Variants in MXI1 observed in about 807,000 individuals in gnomAD.
MXI1 encodes the protein MAX interactor 1, dimerization protein.
Under a neutral mutation model 36.9 loss-of-function variants are expected in MXI1, and 18 were observed. That is an observed-to-expected ratio of 0.49 (90% CI 0.34 to 0.72). MXI1 has a LOEUF of 0.72. Ranked by LOEUF, MXI1 falls within the 30% of genes least tolerant of loss-of-function variation. MXI1 has a pLI of 0.01. For missense variants in MXI1, 304 were observed against 379.1 expected, an observed-to-expected ratio of 0.80 and a Z score of 1.64; for synonymous variants, 160 against 146.7, an observed-to-expected ratio of 1.09 and a Z score of -0.65.
chr10:110,230,199 A>G (rs1338522190), intron 2 of MXI1, among the ~76,000 whole-genome samples: 1 of 152,232 alleles, frequency 6.6e-6, no homozygotes, highest in Non-Finnish European at 1.5e-5. Flanking sequence ...AGTTTTATCA[A>G]TTATGTTACC....
intron 1 of MXI1, among the ~76,000 whole-genome samples, chr10:110,219,407 C>A (rs558337913): frequency 1.4e-4 from 21 of 152,178 alleles, no homozygotes; most frequent in Non-Finnish European, 2.9e-4. Context: ...AAATAAAATC[C>A]AAACTCCTTG....
At position 110,249,096 on chromosome 10, in the gene MXI1, T is replaced by C. The variant is rs11195044; in HGVS notation, c.437+4239T>C. Among the ~76,000 whole-genome samples the C allele has an allele frequency of 3.9e-4, 60 of 152,302 alleles. 1 individual carries two copies. The East Asian group carries it at 9.6e-3, about 24-fold the overall frequency. On this transcript the variant is annotated intron_variant, in intron 3 of 5. Transcript: ENST00000332674. The stretch of plus-strand genomic sequence containing the variant: ...CAAGGCATCATTTTTATTTGACGTG[T>C]TAAACAAAGAAAAGTTATTCTAGCT...
intron 1 of MXI1, among the ~76,000 whole-genome samples, chr10:110,227,050 AGGGGAGGGGCGTACGCGTGT>A (rs1370288731): frequency 3.0e-4 from 2 of 6,646 alleles, no homozygotes; most frequent in Non-Finnish European, 2.6e-4. Flanking sequence ...CGAGCATGTG[AGGGGAGGGGCGTACGCGTGT>A]GGGGAGGGGC....
At chr10:110,211,123 A>C in intron 1 of MXI1, among the ~76,000 whole-genome samples, 1 of 138,152 alleles carries the variant, frequency 7.2e-6, no homozygotes, top group Non-Finnish European at 1.5e-5. Context: ...TCGTTGGCCG[A>C]CTCAGGTGCA....
chr10:110,250,905 G>T (rs1399323435), intron 3 of MXI1, among the ~76,000 whole-genome samples: 1 of 149,490 alleles, frequency 6.7e-6, no homozygotes, highest in East Asian at 2.0e-4. Flanking sequence ...TGCAGGAGAG[G>T]CCATTTAACC....
At chr10:110,230,725 G>A (rs191613505) in intron 2 of MXI1, among the ~76,000 whole-genome samples, 1 of 152,240 alleles carries the variant, frequency 6.6e-6, no homozygotes, top group Admixed American at 6.5e-5. Context: ...ATTTGAAAGA[G>A]GACACTGTAG....
At chr10:110,265,682 A>T (rs943748181) in intron 3 of MXI1, among the ~76,000 whole-genome samples, 1 of 152,230 alleles carries the variant, frequency 6.6e-6, no homozygotes, top group Non-Finnish European at 1.5e-5. Flanking sequence ...AAGACAAAAG[A>T]TATTATAAGC....
intron 2 of MXI1, 152 bp from the exon 3 acceptor site, chr10:110,244,676 A>G (rs1855795046): frequency 1.7e-6 from 1 of 586,566 alleles, no homozygotes; most frequent in South Asian, 2.5e-5. Context: ...AATGTAGACT[A>G]TTTCCTCTCG....
At chr10:110,226,325 T>C in intron 1 of MXI1, 1 of 1,455,884 alleles carries the variant, frequency 6.9e-7, no homozygotes, top group Non-Finnish European at 9.1e-7. Context: ...GCGCTACTAA[T>C]CTTTTTCGGC....
intron 1 of MXI1, chr10:110,210,131 AGCCGGGCGCGCCGGGCTTGGGCT>A (rs1854474634): frequency 2.3e-6 from 1 of 436,164 alleles, no homozygotes; most frequent in Non-Finnish European, 3.0e-6. Context: ...GTAAGCAGAG[AGCCGGGCGCGCCGGGCTTGGGCT>A]GCCCCGCGCG....
At chr10:110,283,963 T>G (rs1056582249) in intron 5 of MXI1, among the ~76,000 whole-genome samples, 21 of 87,938 alleles carry the variant, frequency 2.4e-4, no homozygotes, top group Non-Finnish European at 2.5e-4. Context: ...TGTGTTGTTG[T>G]GTTTTTTTTG....
At chr10:110,221,794 T>C (rs1854814687) in intron 1 of MXI1, among the ~76,000 whole-genome samples, 1 of 152,214 alleles carries the variant, frequency 6.6e-6, no homozygotes, top group African/African-American at 2.4e-5. Context: ...AGATAAACAC[T>C]GCCTCCCCCT....
intron 3 of MXI1, among the ~76,000 whole-genome samples, chr10:110,274,659 C>T (rs1175207988): frequency 6.6e-6 from 1 of 152,072 alleles, no homozygotes; most frequent in Non-Finnish European, 1.5e-5. Flanking sequence ...TGTTTCAGTA[C>T]CAGGTTTTTT....
intron 2 of MXI1, among the ~76,000 whole-genome samples, chr10:110,235,158 G>A (rs1272019669): frequency 6.6e-6 from 1 of 152,172 alleles, no homozygotes. Context: ...TATAGAAGAT[G>A]AGAATTTGAC....
intron 5 of MXI1, among the ~76,000 whole-genome samples, chr10:110,280,548 C>T (rs912390509): frequency 1.1e-4 from 16 of 151,758 alleles, no homozygotes; most frequent in East Asian, 1.9e-4. Flanking sequence ...GGCGTGGTGG[C>T]AGGCGCCTGT....
At chr10:110,274,427 C>T (rs1415129082) in intron 3 of MXI1, among the ~76,000 whole-genome samples, 1 of 152,034 alleles carries the variant, frequency 6.6e-6, no homozygotes, top group Non-Finnish European at 1.5e-5. Context: ...TCCCTCTCAG[C>T]AAGGGGACTC....
In MXI1 at chr10:110,207,932, C is replaced by T; in HGVS notation, c.124C>T (p.Pro42Ser). ...CCAGCCCCCGGCCCTGCCCGAGGAC[C>T]CCGCTGGGGCCAAGCCCAGGTGCCC... ...APQPPALPED[P>S]AGAKPRCPFS... The change falls in exon 1 of 6, where the codon CCC (proline) becomes TCC (serine). Residue 42 changes from proline to serine, a missense_variant. Physicochemically the swap from Pro to Ser is moderately conservative, Grantham distance 74. Coordinates refer to ENST00000332674, the MANE Select transcript of MXI1 (RefSeq NM_130439.3). 6.4e-7 allele frequency: 1 copy of T among 1,560,402 alleles called. No homozygotes were observed. The highest frequency in any genetic ancestry group is 8.7e-7 in the Non-Finnish European group (1 of 1,155,598).
At chr10:110,254,271 A>G (rs1263318932) in intron 3 of MXI1, among the ~76,000 whole-genome samples, 1 of 152,100 alleles carries the variant, frequency 6.6e-6, no homozygotes, top group East Asian at 1.9e-4. Flanking sequence ...TGGATCTGTA[A>G]TCTTTGATGT....
At chr10:110,220,471 CA>C (rs1269254262) in intron 1 of MXI1, among the ~76,000 whole-genome samples, 8 of 152,194 alleles carry the variant, frequency 5.3e-5, no homozygotes, top group African/African-American at 1.9e-4. Context: ...AACGCAGATA[CA>C]AGGCAGCAGG....
Sources: gnomAD v4.1 joint callset for allele counts (sites outside exome capture counted in the v4.1 genomes callset) on GRCh38, gnomAD v4.1.1 for gene constraint, MANE v1.5 for transcripts, NCBI Gene and HGNC (gene_info 2026-07-23, HGNC 2026-07-21) for gene names.